Variants in HS6ST3 observed in about 807,000 individuals in gnomAD.
HS6ST3 encodes the protein heparan-sulfate 6-O-sulfotransferase 3.
In HS6ST3, 12 loss-of-function variants were observed where a neutral mutation model predicts 36.7. The observed-to-expected ratio is 0.33, with a 90% CI of 0.21 to 0.53. The LOEUF is 0.53. Among genes scored for constraint, HS6ST3 ranks in the 20% least tolerant of loss-of-function variants. The pLI, the probability that HS6ST3 is intolerant of heterozygous loss-of-function variation, is 0.95. For missense variants in HS6ST3, 584 were observed against 640.9 expected, an observed-to-expected ratio of 0.91 and a Z score of 0.96; for synonymous variants, 240 against 257.5, an observed-to-expected ratio of 0.93 and a Z score of 0.65.
At chr13:96,700,963 G>A (rs943629454) in intron 1 of HS6ST3, among the ~76,000 whole-genome samples, 2 of 152,070 alleles carry the variant, frequency 1.3e-5, no homozygotes, top group African/African-American at 2.4e-5. Context: ...TTACTTCACC[G>A]GAAGCAACAT....
intron 1 of HS6ST3, among the ~76,000 whole-genome samples, chr13:96,555,397 T>C (rs986601780): frequency 1.3e-5 from 2 of 152,182 alleles, no homozygotes; most frequent in Admixed American, 6.5e-5. Context: ...TAGGGAATAG[T>C]GGGCTTGGTG....
chr13:96,207,609 A>G (rs1209229839), intron 1 of HS6ST3, among the ~76,000 whole-genome samples: 1 of 152,204 alleles, frequency 6.6e-6, no homozygotes, highest in Non-Finnish European at 1.5e-5. Context: ...CTGGATAAAG[A>G]AAATGTGGTA....
intron 1 of HS6ST3, among the ~76,000 whole-genome samples, chr13:96,704,412 G>A (rs1162972412): frequency 6.6e-6 from 1 of 152,184 alleles, no homozygotes; most frequent in African/African-American, 2.4e-5. Context: ...GAAAATATTA[G>A]TAGTAAGATC....
intron 1 of HS6ST3, among the ~76,000 whole-genome samples, chr13:96,092,581 T>A (rs2053770118): frequency 6.6e-6 from 1 of 152,218 alleles, no homozygotes; most frequent in African/African-American, 2.4e-5. Context: ...CACTAGTTCA[T>A]TGAAGTTTTT....
chr13:96,232,995 G>T (rs1167704091), intron 1 of HS6ST3, among the ~76,000 whole-genome samples: 1 of 152,154 alleles, frequency 6.6e-6, no homozygotes, highest in African/African-American at 2.4e-5. Context: ...ACCTCTACAG[G>T]TTTAATTTCA....
chr13:96,409,868 G>T (rs1469396640), intron 1 of HS6ST3, among the ~76,000 whole-genome samples: 1 of 152,090 alleles, frequency 6.6e-6, no homozygotes. Flanking sequence ...ATCTTATGAA[G>T]CGTGGTCTTA....
chr13:96,667,132 T>C (rs908422272), intron 1 of HS6ST3, among the ~76,000 whole-genome samples: 2 of 152,230 alleles, frequency 1.3e-5, no homozygotes, highest in Non-Finnish European at 2.9e-5. Context: ...TATATTTTGC[T>C]AATGCAAAAT....
intron 1 of HS6ST3, among the ~76,000 whole-genome samples, chr13:96,637,803 C>A (rs949477563): frequency 1.3e-5 from 2 of 152,032 alleles, no homozygotes; most frequent in Non-Finnish European, 2.9e-5. Flanking sequence ...CATAGTCATT[C>A]TTTTTATTTA....
intron 1 of HS6ST3, among the ~76,000 whole-genome samples, chr13:96,187,867 C>T (rs991552321): frequency 6.6e-6 from 1 of 152,194 alleles, no homozygotes; most frequent in African/African-American, 2.4e-5. Flanking sequence ...GTGATAACTT[C>T]CTTCTCTCCA....
intron 1 of HS6ST3, among the ~76,000 whole-genome samples, chr13:96,093,443 G>A (rs2053774898): frequency 6.6e-6 from 1 of 152,096 alleles, no homozygotes; most frequent in Non-Finnish European, 1.5e-5. Flanking sequence ...CACTGTGACT[G>A]TTTAAACATA....
At chr13:96,479,906 G>A (rs2055882121) in intron 1 of HS6ST3, among the ~76,000 whole-genome samples, 3 of 152,200 alleles carry the variant, frequency 2.0e-5, no homozygotes, top group Non-Finnish European at 4.4e-5. Flanking sequence ...CAATGGCTGG[G>A]GAATTGGGGT....
At chr13:96,152,332 T>TG (rs1170078612) in intron 1 of HS6ST3, among the ~76,000 whole-genome samples, 2,265 of 105,212 alleles carry the variant, frequency 0.022, 15 homozygotes, top group Middle Eastern at 0.046. Context: ...TTTTTTTTTT[T>TG]TTTGTTGTTG....
intron 1 of HS6ST3, among the ~76,000 whole-genome samples, chr13:96,400,226 C>T (rs1159373642): frequency 6.7e-6 from 1 of 150,060 alleles, no homozygotes; most frequent in East Asian, 2.0e-4. Context: ...CAGACACAGA[C>T]TCACATGCAG....
intron 1 of HS6ST3, among the ~76,000 whole-genome samples, chr13:96,813,507 A>T (rs894801727): frequency 3.0e-4 from 45 of 152,322 alleles, no homozygotes; most frequent in African/African-American, 1.1e-3. Context: ...TTACTCAGTG[A>T]ATAAAAGCTT....
intron 1 of HS6ST3, among the ~76,000 whole-genome samples, chr13:96,541,171 C>G (rs1456721116): frequency 6.6e-6 from 1 of 152,036 alleles, no homozygotes; most frequent in Admixed American, 6.6e-5. Flanking sequence ...TAGCTGGGAT[C>G]ACAGGTGCCC....
intron 1 of HS6ST3, among the ~76,000 whole-genome samples, chr13:96,808,285 C>T (rs1878242820): frequency 6.6e-6 from 1 of 152,164 alleles, no homozygotes; most frequent in Non-Finnish European, 1.5e-5. Flanking sequence ...ATTGCACATC[C>T]TGACCCCATT....
chr13:96,749,507 G>A (rs867097990), intron 1 of HS6ST3, among the ~76,000 whole-genome samples: 12 of 152,036 alleles, frequency 7.9e-5, no homozygotes, highest in African/African-American at 2.7e-4. Flanking sequence ...GTATGTGTAC[G>A]TTCATGAGTG....
chr13:96,656,343 T>G (rs766354401), intron 1 of HS6ST3, among the ~76,000 whole-genome samples: 6 of 152,188 alleles, frequency 3.9e-5, no homozygotes, highest in African/African-American at 1.4e-4. Flanking sequence ...CTTTACAAGA[T>G]TCCAGTTATG....
chr13:96,461,033 A>G (rs539280549), intron 1 of HS6ST3, among the ~76,000 whole-genome samples: 2 of 152,370 alleles, frequency 1.3e-5, no homozygotes, highest in African/African-American at 4.8e-5. Context: ...GATACACCCA[A>G]TTAAATGACA....
Sources: gnomAD v4.1 joint callset for allele counts (sites outside exome capture counted in the v4.1 genomes callset) on GRCh38, gnomAD v4.1.1 for gene constraint, MANE v1.5 for transcripts, NCBI Gene and HGNC (gene_info 2026-07-23, HGNC 2026-07-21) for gene names.